The following IRF6 variants were observed in gnomAD, a reference collection of about 807,000 sequenced individuals.
IRF6 encodes the protein Van der Woude syndrome.
A neutral mutation model predicts 51.4 loss-of-function variants in IRF6; 6 were observed. That is an observed-to-expected ratio of 0.12 (90% CI 0.06 to 0.23). The LOEUF (loss-of-function observed/expected upper bound fraction) is 0.23, where lower values mean the gene tolerates loss of function less well. Ranked by LOEUF, IRF6 falls within the 10% of genes least tolerant of loss-of-function variation. IRF6 has a pLI of 1.00. For synonymous variants in IRF6, 178 were observed against 215.7 expected, an observed-to-expected ratio of 0.83 and a Z score of 1.53; for missense variants, 348 against 585.2, an observed-to-expected ratio of 0.59 and a Z score of 4.18.
intron 5 of IRF6, 110 bp downstream of exon 5, chr1:209,795,180 A>T (rs2077892955): frequency 8.0e-7 from 1 of 1,253,592 alleles, no homozygotes; most frequent in South Asian, 1.2e-5. Flanking sequence ...GTCTGGCTGC[A>T]GGGACTGATC....
Position 209,788,467 on chromosome 1 carries a change from G to T in IRF6, c.1357C>A (p.Gln453Lys). 2 of 1,614,070 alleles carry T rather than the reference G, an allele frequency of 1.2e-6. No individual in the cohort carries two copies. Among genetic ancestry groups the T allele is most frequent in the Non-Finnish European group, 1.7e-6 (2 of 1,179,998 alleles). The change falls in exon 9 of 9, where the codon CAG (glutamine) becomes AAG (lysine). Residue 453 changes from glutamine to lysine, a missense_variant. Coordinates refer to ENST00000367021, the MANE Select transcript of IRF6 (RefSeq NM_006147.4). ...GGCAGTTGCATGCTGGGGGTGGGCTGCATGGGCTGCCAGCTCTCCTGGGTT... is the reference window on the plus strand; with the variant it reads ...GGCAGTTGCATGCTGGGGGTGGGCTTCATGGGCTGCCAGCTCTCCTGGGTT... Reference protein sequence around the residue: ...LQTQESWQPMQPTPSMQLPPA... With the variant: ...LQTQESWQPMKPTPSMQLPPA...
rs202031475 is a variant in IRF6 at position 209,788,506 on chromosome 1, A to G, written c.1318T>C (p.Tyr440His). The change falls in exon 9 of 9, where the codon TAC (tyrosine) becomes CAC (histidine). Residue 440 changes from tyrosine (Y) to histidine (H), a missense_variant. This residue lies in a region of IRF6 where 48 missense variants were observed against 66.9 expected (regional missense o/e 0.72). Transcript: ENST00000367021. ...DNIVAQLKQL[Y>H]RILQTQESWQ... is the part of the protein sequence containing the mutation. Reference sequence around the variant, plus strand: ...CTCTCCTGGGTTTGAAGGATGCGGTACAGCTGCTTCAGCTGAGCAACGATG... The same window carrying G: ...CTCTCCTGGGTTTGAAGGATGCGGTGCAGCTGCTTCAGCTGAGCAACGATG... 6.2e-7 allele frequency: 1 copy of G among 1,614,182 alleles called. No individual in the cohort carries two copies. Among genetic ancestry groups the G allele is most frequent in the Non-Finnish European group, 8.5e-7 (1 of 1,180,026 alleles).
intron 1 of IRF6, among the ~76,000 whole-genome samples, chr1:209,804,718 C>T (rs1203983805): frequency 6.6e-6 from 1 of 152,204 alleles, no homozygotes; most frequent in East Asian, 1.9e-4. Context: ...GCATAACTGT[C>T]CTCTCCCATA....
intron 8 of IRF6, among the ~76,000 whole-genome samples, chr1:209,789,222 G>A (rs2077853678): frequency 6.6e-6 from 1 of 152,094 alleles, no homozygotes; most frequent in South Asian, 2.1e-4. Flanking sequence ...TACTTGGGAG[G>A]CTGAGGTGGG....
chr1:209,795,669 T>C (rs2077896779), intron 4 of IRF6, among the ~76,000 whole-genome samples: 1 of 152,228 alleles, frequency 6.6e-6, no homozygotes, highest in Non-Finnish European at 1.5e-5. Context: ...ATGCAGTTAA[T>C]TGGAGGGATC....
chr1:209,804,949 G>A (rs1439754830), intron 1 of IRF6, among the ~76,000 whole-genome samples: 3 of 152,140 alleles, frequency 2.0e-5, no homozygotes, highest in African/African-American at 4.8e-5. Flanking sequence ...TCTAAGTTCC[G>A]TTCCTCAGGC....
intron 5 of IRF6, among the ~76,000 whole-genome samples, chr1:209,792,966 T>A (rs1297001770): frequency 6.6e-6 from 1 of 152,162 alleles, no homozygotes; most frequent in African/African-American, 2.4e-5. Context: ...AAGGAAAACC[T>A]TTCCACTGAT....
At position 209,788,379 on chromosome 1, in the gene IRF6, C is replaced by A; in HGVS notation, c.*41G>T. ...TAAACAATAAAAAAATCCATATGTA[C>A]AATATTATAAAAAAGAGAAGGAAGA... On this transcript the variant is annotated 3_prime_UTR_variant, in exon 9 of 9. Transcript: ENST00000367021. The A allele has an allele frequency of 1.5e-6, 2 of 1,297,876 alleles. No individual in the cohort carries two copies. 80.4% of individuals were successfully genotyped at this position (1,297,876 alleles called of 1,614,324 possible).
rs1238041386 is a variant in IRF6, at chr1:209,796,540, C to G, written c.187G>C (p.Glu63Gln). ...ENTIFKAWAV[E>Q]TGKYQEGVDD... is the part of the protein sequence containing the mutation. ...ACCCCTTCCTGGTACTTCCCTGTCT[C>G]TACAGCCCAGGCCTGAGAACAAGAA... is the stretch of plus-strand genomic sequence containing the variant. Residue 63 changes from glutamate (E) to glutamine (Q), a missense_variant, in exon 4 of 9, where the codon GAG becomes CAG. Transcript: ENST00000367021. The surrounding 1 kb of genome is among the most constrained non-coding windows in gnomAD (Gnocchi z 4.5). 6.2e-7 allele frequency: 1 copy of G among 1,612,696 alleles called. No homozygotes were observed. The highest frequency in any genetic ancestry group is 1.7e-5 in the Admixed American group (1 of 59,986).
Position 209,788,683 on chromosome 1 carries a change from A to C in IRF6, c.1180-39T>G, listed in dbSNP as rs747332156. 5.8e-6 allele frequency: 9 copies of C among 1,554,726 alleles called. No individual in the cohort carries two copies. The South Asian group carries it at 1.0e-4, about 17-fold the overall frequency. ...AGAACACAGGTGTATCCTCTGAGGA[A>C]AAGGTATTTTTAAATAGCACAATGG... On this transcript the variant is annotated intron_variant, in intron 8 of 8. Transcript: ENST00000367021.
rs1187302744 is a variant in IRF6 at position 209,788,392 on chromosome 1, A to G, written c.*28T>C. The stretch of plus-strand genomic sequence containing the variant: ...AATCCATATGTACAATATTATAAAA[A>G]AGAGAAGGAAGAAGATGGCATTCAC... On this transcript the variant is annotated 3_prime_UTR_variant, in exon 9 of 9. Transcript: ENST00000367021. The G allele has an allele frequency of 7.1e-7, 1 of 1,411,510 alleles. No individual in the cohort carries two copies. The highest frequency in any genetic ancestry group is 1.0e-6 in the Non-Finnish European group (1 of 997,938). The allele number at this position is 1,411,510 out of a possible 1,614,324, so 87.4% of individuals were successfully genotyped here. A position where few individuals can be genotyped will look rare whatever the true frequency, so the allele number is the denominator to read the frequency against.
intron 5 of IRF6, among the ~76,000 whole-genome samples, chr1:209,793,722 C>T (rs1287530583): frequency 2.0e-5 from 3 of 152,184 alleles, no homozygotes; most frequent in Non-Finnish European, 2.9e-5. Context: ...CCTCCTCCCA[C>T]CCTCCGTCCT....
In IRF6 at chr1:209,795,231, A is replaced by G. The variant is rs573171595; in HGVS notation, c.508+59T>C. On this transcript the variant is annotated intron_variant, in intron 5 of 8. Coordinates refer to ENST00000367021, the MANE Select transcript of IRF6 (RefSeq NM_006147.4). ...TGGTGGCCAATGTATTGACAGTCCC[A>G]AGGTCAAAACTCCTTACATCCTCCA... The G allele has an allele frequency of 4.4e-6, 7 of 1,594,242 alleles. No individual in the cohort carries two copies. The African/African-American group carries it at 9.4e-5, about 21-fold the overall frequency.
chr1:209,800,980 C>G (rs933316818), intron 3 of IRF6, among the ~76,000 whole-genome samples: 1 of 152,228 alleles, frequency 6.6e-6, no homozygotes, highest in Admixed American at 6.5e-5. Flanking sequence ...ACTACAATCA[C>G]TAATGAGAGT....
At chr1:209,801,770 GCT>G (rs2077944987) in intron 2 of IRF6, among the ~76,000 whole-genome samples, 200 bp downstream of exon 2, 1 of 152,164 alleles carries the variant, frequency 6.6e-6, no homozygotes, top group African/African-American at 2.4e-5. Context: ...AAGGAAAATT[GCT>G]CTTTTCAATC....
chr1:209,789,003 T>C (rs1190190501), intron 8 of IRF6, among the ~76,000 whole-genome samples: 3 of 152,226 alleles, frequency 2.0e-5, no homozygotes, highest in Non-Finnish European at 2.9e-5. Flanking sequence ...TTTATATTCC[T>C]AAAAGTAACT....
At chr1:209,792,466 C>G in intron 5 of IRF6, 39 bp from the exon 6 acceptor site, 1 of 1,606,720 alleles carries the variant, frequency 6.2e-7, no homozygotes, top group Non-Finnish European at 8.5e-7. Context: ...AGGGGTACCA[C>G]ACGTGCACAT....
rs150411337 is a variant in IRF6, at chr1:209,803,047, G to A, written c.-75-1004C>T. The stretch of plus-strand genomic sequence containing the variant: ...CCCTGGGAGCATAGTGGGTAGGTCA[G>A]GTTGGCACGCAGTGTTCAAGTACCC... On this transcript the variant is annotated intron_variant, in intron 1 of 8. Transcript: ENST00000367021. Among the ~76,000 whole-genome samples, 647 of 152,230 alleles carry A rather than the reference G, an allele frequency of 4.3e-3. 5 individuals carry two copies. The highest frequency in any genetic ancestry group is 6.1e-3 in the Admixed American group (94 of 15,304).
chr1:209,790,624 T>C lies in IRF6; in HGVS notation c.931A>G (p.Ile311Val). The change falls in exon 7 of 9, where the codon ATT becomes GTT. Residue 311 changes from isoleucine to valine, a missense_variant. Coordinates refer to ENST00000367021, the MANE Select transcript of IRF6 (RefSeq NM_006147.4). The surrounding 1 kb of genome is among the most constrained non-coding windows in gnomAD (Gnocchi z 4.8). The stretch of plus-strand genomic sequence containing the variant: ...CACTGGCACAGCCTGATGGCATAAA[T>C]GGCATGACCGCTGACCTCCAGGATC... ...GLILEVSGHA[I>V]YAIRLCQCKV... is the part of the protein sequence containing the mutation. 1 of 1,614,212 alleles carries C rather than the reference T, an allele frequency of 6.2e-7. No homozygotes were observed. Among genetic ancestry groups the C allele is most frequent in the Non-Finnish European group, 8.5e-7 (1 of 1,180,038 alleles).
Sources: gnomAD v4.1 joint callset for allele counts (sites outside exome capture counted in the v4.1 genomes callset) on GRCh38, gnomAD v4.1.1 for gene constraint, gnomAD v4.1.1 regional missense constraint, Gnocchi (gnomAD v3.1) non-coding constraint, MANE v1.5 for transcripts, NCBI Gene and HGNC (gene_info 2026-07-23, HGNC 2026-07-21) for gene names.